TLR4: variants seen among roughly 807,000 people sequenced by gnomAD.
The protein encoded by TLR4 is toll-like receptor 4.
TLR4 carries 17 observed loss-of-function variants against 27.4 expected under a neutral mutation model. The observed-to-expected ratio is 0.62, with a 90% CI of 0.42 to 0.93. The LOEUF (loss-of-function observed/expected upper bound fraction) is 0.93, where lower values mean the gene tolerates loss of function less well. Among genes scored for constraint, TLR4 ranks in the 40% least tolerant of loss-of-function variants. TLR4 has a pLI of 0.00. For synonymous variants in TLR4, 363 were observed against 365.7 expected, an observed-to-expected ratio of 0.99 and a Z score of 0.08; for missense variants, 926 against 962.3, an observed-to-expected ratio of 0.96 and a Z score of 0.50.
Position 117,722,208 on chromosome 9 carries a change from CCT to C in TLR4, c.*7561_*7562del, listed in dbSNP as rs1829430794. ...CCACTTTTGCTAAGTATTCATCTTG[CCT>C]TGAGTACTAAGATTCCAAAAATGAC... On this transcript the variant is annotated 3_prime_UTR_variant, in exon 3 of 3. Coordinates refer to ENST00000355622, the MANE Select transcript of TLR4 (RefSeq NM_138554.5). The C allele has an allele frequency of 6.6e-6, 1 of 152,178 alleles. No individual in the cohort carries two copies. Among genetic ancestry groups the C allele is most frequent in the African/African-American group, 2.4e-5 (1 of 41,428 alleles). The allele number at this position is 152,178 out of a possible 1,614,324, so 9.4% of individuals were successfully genotyped here.
rs767795913 is a variant in TLR4 at position 117,712,690 on chromosome 9, C to T, written c.562C>T (p.Gln188Ter). ...EHLDLSSNKIQSIYCTDLRVL... is the reference protein window; with the variant it reads ...EHLDLSSNKI ...CTTGGACCTTTCCAGCAACAAGATT[C>T]AAAGTATTTATTGCACAGACTTGCG... Residue 188 changes from glutamine (Q) to a stop codon, truncating the protein, a stop_gained, in exon 3 of 3, where the codon CAA (glutamine) becomes TAA (stop). Transcript: ENST00000355622. LOFTEE classifies it low-confidence loss of function (END_TRUNC). 3.7e-6 allele frequency: 6 copies of T among 1,614,106 alleles called. No homozygotes were observed. Among genetic ancestry groups the T allele is most frequent in the Middle Eastern group, 3.3e-4 (2 of 6,062 alleles).
intron 1 of TLR4, 104 bp downstream of exon 1, chr9:117,704,669 A>G: frequency 1.0e-6 from 1 of 959,814 alleles, no homozygotes; most frequent in South Asian, 1.4e-5. Context: ...AAAAAGAGTT[A>G]AATTACCTTA....
chr9:117,708,263 A>G, intron 1 of TLR4: 1 of 1,160,362 alleles, frequency 8.6e-7, no homozygotes, highest in Non-Finnish European at 1.1e-6. Context: ...CCGGAGCCTC[A>G]GCCCTTCACC....
At chr9:117,711,975 A>G (rs893860197) in intron 2 of TLR4, among the ~76,000 whole-genome samples, 1 of 152,186 alleles carries the variant, frequency 6.6e-6, no homozygotes, top group Non-Finnish European at 1.5e-5. Context: ...CTACCAACTA[A>G]CAACTATCCA....
At chr9:117,705,703 G>T (rs1829125129) in intron 1 of TLR4, among the ~76,000 whole-genome samples, 1 of 152,038 alleles carries the variant, frequency 6.6e-6, no homozygotes, top group African/African-American at 2.4e-5. Context: ...CCTGATTCCA[G>T]TCTTCTTCCT....
rs1198440317 is a variant in TLR4 at position 117,721,725 on chromosome 9, GT to G, written c.*7081del. The stretch of plus-strand genomic sequence containing the variant: ...ATTTATATTTTAAAATATTCTCCCA[GT>G]TTTCGTGCACAGACAGATTTGGGAA... On this transcript the variant is annotated 3_prime_UTR_variant, in exon 3 of 3. Transcript: ENST00000355622. 1 of 152,164 alleles carries G rather than the reference GT, an allele frequency of 6.6e-6. No homozygotes were observed. The allele number at this position is 152,164 out of a possible 1,614,324, so 9.4% of individuals were successfully genotyped here.
rs11536885 is a variant in TLR4 at position 117,714,804 on chromosome 9, A to T, written c.*156A>T. 2.2e-5 allele frequency: 16 copies of T among 715,178 alleles called. No homozygotes were observed. The highest frequency in any genetic ancestry group is 7.5e-4 in the Middle Eastern group (2 of 2,672). The allele number at this position is 715,178 out of a possible 1,614,324, so 44.3% of individuals were successfully genotyped here. ...ATATGCAGGGCTGCTAATCTCAAGG[A>T]GCTTCCAGTGCAGAGGGAATAAATG... On this transcript the variant is annotated 3_prime_UTR_variant, in exon 3 of 3. Transcript: ENST00000355622.
In TLR4 at chr9:117,712,435, C is replaced by T. The variant is rs762358165; in HGVS notation, c.307C>T (p.His103Tyr). 4 of 1,613,736 alleles carry T rather than the reference C, an allele frequency of 2.5e-6. No individual in the cohort carries two copies. The highest frequency in any genetic ancestry group is 2.7e-5 in the African/African-American group (2 of 74,854). ...AGATGGGGCATATCAGAGCCTAAGCCACCTCTCTACCTTAATATTGACAGG... is the reference window on the plus strand; with the variant it reads ...AGATGGGGCATATCAGAGCCTAAGCTACCTCTCTACCTTAATATTGACAGG... ...IEDGAYQSLS[H>Y]LSTLILTGNP... Residue 103 changes from histidine to tyrosine, a missense_variant, in exon 3 of 3, where the codon CAC (histidine) becomes TAC (tyrosine). Physicochemically the swap from His to Tyr is moderately conservative, Grantham distance 83 (BLOSUM62 2). Coordinates refer to ENST00000355622, the MANE Select transcript of TLR4 (RefSeq NM_138554.5).
chr9:117,712,372 TC>T lies in TLR4; in HGVS notation c.261-16del, dbSNP rs1564265114. On this transcript the variant is annotated splice_polypyrimidine_tract_variant and intron_variant, in intron 2 of 2. Transcript: ENST00000355622. ...CAGCAGAAATATTAGATAATCAATG[TC>T]TTTTTATTCCTGTAGGTGTGAAATC... 1 of 1,606,414 alleles carries T rather than the reference TC, an allele frequency of 6.2e-7. No homozygotes were observed. The highest frequency in any genetic ancestry group is 2.2e-5 in the East Asian group (1 of 44,766).
At position 117,715,222 on chromosome 9, in the gene TLR4, G is replaced by A. The variant is rs1307645143; in HGVS notation, c.*574G>A. Reference sequence around the variant, plus strand: ...TTAACACATGCTCACAACCATCCTGGTCATTCTCGAGCATGTTCTATTTTT... The same window carrying A: ...TTAACACATGCTCACAACCATCCTGATCATTCTCGAGCATGTTCTATTTTT... On this transcript the variant is annotated 3_prime_UTR_variant, in exon 3 of 3. Transcript: ENST00000355622. The A allele has an allele frequency of 1.9e-5, 3 of 154,504 alleles. No homozygotes were observed. Among genetic ancestry groups the A allele is most frequent in the Non-Finnish European group, 4.3e-5 (3 of 69,540 alleles). The allele number at this position is 154,504 out of a possible 1,614,324, so 9.6% of individuals were successfully genotyped here.
In TLR4 at chr9:117,721,561, A is replaced by G. The variant is rs371893188; in HGVS notation, c.*6913A>G. ...AGCAGGTCCCAAACTCTCACTTTTA[A>G]ACAAATGCTTGGCTTAAGAATCACT... On this transcript the variant is annotated 3_prime_UTR_variant, in exon 3 of 3. Coordinates refer to ENST00000355622, the MANE Select transcript of TLR4 (RefSeq NM_138554.5). 1 of 152,234 alleles carries G rather than the reference A, an allele frequency of 6.6e-6. No homozygotes were observed. Among genetic ancestry groups the G allele is most frequent in the Non-Finnish European group, 1.5e-5 (1 of 68,038 alleles). 9.4% of individuals were successfully genotyped at this position (152,234 alleles called of 1,614,324 possible).
chr9:117,709,791 A>G (rs1306526244), intron 2 of TLR4, among the ~76,000 whole-genome samples: 1 of 152,158 alleles, frequency 6.6e-6, no homozygotes, highest in East Asian at 1.9e-4. Flanking sequence ...GATGTAACAA[A>G]GGAGTAATGG....
chr9:117,713,736 T>C lies in TLR4; in HGVS notation c.1608T>C (p.Asp536=). Residue 536 remains aspartate, a synonymous_variant, in exon 3 of 3, where the codon GAT becomes GAC. Coordinates refer to ENST00000355622, the MANE Select transcript of TLR4 (RefSeq NM_138554.5). The part of the protein sequence containing the change: ...NMSHNNFFSL[D]TFPYKCLNSL... ...GCCACAACAACTTCTTTTCATTGGA[T>C]ACGTTTCCTTATAAGTGTCTGAACT... 11 of 1,614,040 alleles carry C rather than the reference T, an allele frequency of 6.8e-6. No individual in the cohort carries two copies. Among genetic ancestry groups the C allele is most frequent in the Non-Finnish European group, 8.5e-6 (10 of 1,180,022 alleles).
At chr9:117,708,145 T>G (rs1829167094) in intron 1 of TLR4, 1 of 985,518 alleles carries the variant, frequency 1.0e-6, no homozygotes, top group African/African-American at 1.7e-5. Context: ...TATGATAAAA[T>G]GAGGCTCACT....
chr9:117,712,423 C>T lies in TLR4; in HGVS notation c.295C>T (p.Gln99Ter). ...EIQTIEDGAY[Q>*]SLSHLSTLIL... ...CCAGACAATTGAAGATGGGGCATAT[C>T]AGAGCCTAAGCCACCTCTCTACCTT... Residue 99 changes from glutamine to a stop codon, truncating the protein, a stop_gained, in exon 3 of 3, where the codon CAG becomes TAG. Transcript: ENST00000355622. LOFTEE classifies it low-confidence loss of function (END_TRUNC). 2.5e-6 allele frequency: 4 copies of T among 1,613,912 alleles called. 1 individual carries two copies. In the South Asian group the frequency reaches 4.4e-5, roughly 18 times the overall value.
Position 117,712,790 on chromosome 9 carries a change from G to C in TLR4, c.662G>C (p.Gly221Ala). ...AACCCTATGAACTTTATCCAACCAG[G>C]TGCATTTAAAGAAATTAGGCTTCAT... ...SLNPMNFIQP[G>A]AFKEIRLHKL... Residue 221 changes from glycine (G) to alanine (A), a missense_variant, in exon 3 of 3, where the codon GGT becomes GCT. Gly to Ala is a moderately conservative substitution (Grantham distance 60). Coordinates refer to ENST00000355622, the MANE Select transcript of TLR4 (RefSeq NM_138554.5). 1 of 1,613,902 alleles carries C rather than the reference G, an allele frequency of 6.2e-7. No individual in the cohort carries two copies. The highest frequency in any genetic ancestry group is 1.1e-5 in the South Asian group (1 of 91,066).
In TLR4 at chr9:117,723,006, A is replaced by T. The variant is rs564499506; in HGVS notation, c.*8358A>T. ...ATAAAAGGTATGCAGATTTGGAAAA[A>T]TTTTGAAGGTGTCACAAGAAAGATT... On this transcript the variant is annotated 3_prime_UTR_variant, in exon 3 of 3. Coordinates refer to ENST00000355622, the MANE Select transcript of TLR4 (RefSeq NM_138554.5). 2.6e-5 allele frequency: 4 copies of T among 152,330 alleles called. No individual in the cohort carries two copies. Among genetic ancestry groups the T allele is most frequent in the African/African-American group, 9.6e-5 (4 of 41,578 alleles). 9.4% of individuals were successfully genotyped at this position (152,330 alleles called of 1,614,324 possible).
rs1829423825 is a variant in TLR4 at position 117,721,632 on chromosome 9, T to A, written c.*6984T>A. On this transcript the variant is annotated 3_prime_UTR_variant, in exon 3 of 3. Transcript: ENST00000355622. ...TCTATGTGTCTGTGTATCTAGGTAC[T>A]AATTATCTATCTTTATGATCTTTAT... is the stretch of plus-strand genomic sequence containing the variant. 1 of 152,252 alleles carries A rather than the reference T, an allele frequency of 6.6e-6. No homozygotes were observed. The highest frequency in any genetic ancestry group is 2.4e-5 in the African/African-American group (1 of 41,472). The allele number at this position is 152,252 out of a possible 1,614,324, so 9.4% of individuals were successfully genotyped here. A position where few individuals can be genotyped will look rare whatever the true frequency, so the allele number is the denominator to read the frequency against.
rs1282355677 is a variant in TLR4 at position 117,716,753 on chromosome 9, C to T, written c.*2105C>T. ...TACCATATACATATACACAAGGAAG[C>T]TTTTGGAGGTGATGGATATATTTAT... On this transcript the variant is annotated 3_prime_UTR_variant, in exon 3 of 3. Coordinates refer to ENST00000355622, the MANE Select transcript of TLR4 (RefSeq NM_138554.5). 1 of 152,102 alleles carries T rather than the reference C, an allele frequency of 6.6e-6. No individual in the cohort carries two copies. The highest frequency in any genetic ancestry group is 2.1e-4 in the South Asian group (1 of 4,828). 9.4% of individuals were successfully genotyped at this position (152,102 alleles called of 1,614,324 possible).
Sources: allele counts gnomAD v4.1 joint callset (sites outside exome capture counted in the v4.1 genomes callset), GRCh38; gene constraint gnomAD v4.1.1; transcripts MANE v1.5; gene names NCBI Gene and HGNC (gene_info 2026-07-23, HGNC 2026-07-21).